KDM4B: variants seen among roughly 807,000 people sequenced by gnomAD.
KDM4B encodes the protein lysine demethylase 4B.
Under a neutral mutation model 125.2 loss-of-function variants are expected in KDM4B, and 32 were observed. The observed-to-expected ratio is 0.26, with a 90% CI of 0.19 to 0.34. KDM4B has a LOEUF of 0.34. Among genes scored for constraint, KDM4B ranks in the 10% least tolerant of loss-of-function variants. The pLI is 1.00. For synonymous variants in KDM4B, 721 were observed against 677.9 expected (o/e 1.06, Z -0.99); for missense variants, 1,190 against 1,577.7 (o/e 0.75, Z 4.16).
intron 1 of KDM4B, among the ~76,000 whole-genome samples, chr19:4,995,370 C>T (rs1425890510): frequency 6.6e-6 from 1 of 151,988 alleles, no homozygotes; most frequent in Non-Finnish European, 1.5e-5. Flanking sequence ...AGCAAGAATC[C>T]TGGGTTCAAG....
At chr19:5,150,184 G>A (rs969098602) in intron 21 of KDM4B, among the ~76,000 whole-genome samples, 174 bp from the exon 22 acceptor site, 1 of 152,226 alleles carries the variant, frequency 6.6e-6, no homozygotes, top group Non-Finnish European at 1.5e-5. Flanking sequence ...CCTGATCCTT[G>A]TTTGCTGCAG....
intron 9 of KDM4B, among the ~76,000 whole-genome samples, chr19:5,085,696 T>G (rs553924486): frequency 6.6e-6 from 1 of 152,176 alleles, no homozygotes; most frequent in Non-Finnish European, 1.5e-5. Context: ...CAGCCCCTGC[T>G]CAGGCACCCC....
chr19:4,974,777 C>G (rs2034387436), intron 1 of KDM4B, among the ~76,000 whole-genome samples: 1 of 151,752 alleles, frequency 6.6e-6, no homozygotes, highest in Admixed American at 6.6e-5. Context: ...GAGTAAAAAC[C>G]AAAACAAACA....
rs2036607274 is a variant in KDM4B, at chr19:5,035,887, G to GTA, written c.141+2856_141+2857insTA. On this transcript the variant is annotated intron_variant, in intron 3 of 22. Coordinates refer to ENST00000159111, the MANE Select transcript of KDM4B (RefSeq NM_015015.3). This position sits in a 1 kb window ranked among gnomAD's most constrained non-coding sequence, Gnocchi z 5.3. ...TCTGTGTGTGTGTGTGTGTGCGCGC[G>GTA]CGCGCGCGCCTGCGCGCACAGGAGA... is the stretch of plus-strand genomic sequence containing the variant. Among the ~76,000 whole-genome samples the GTA allele has an allele frequency of 7.0e-6, 1 of 143,516 alleles. No homozygotes were observed. The highest frequency in any genetic ancestry group is 1.5e-5 in the Non-Finnish European group (1 of 64,898). 94.2% of individuals were successfully genotyped at this position (143,516 alleles called of 152,430 possible). A position where few individuals can be genotyped will look rare whatever the true frequency, so the allele number is the denominator to read the frequency against.
rs916495797 is a variant in KDM4B at position 5,123,163 on chromosome 19, C to T, written c.1315+3311C>T. On this transcript the variant is annotated intron_variant, in intron 11 of 22. Coordinates refer to ENST00000159111, the MANE Select transcript of KDM4B (RefSeq NM_015015.3). ...GCATGAGCGCTGGAGGCCACTGCTC[C>T]ACGCCCTGTGGCTCTCGGACACGAC... Among the ~76,000 whole-genome samples, 24 of 152,386 alleles carry T rather than the reference C, an allele frequency of 1.6e-4. 1 individual carries two copies. Among genetic ancestry groups the T allele is most frequent in the Admixed American group, 1.4e-3 (21 of 15,310 alleles).
chr19:4,986,972 T>G (rs75813598), intron 1 of KDM4B, among the ~76,000 whole-genome samples: 1 of 151,924 alleles, frequency 6.6e-6, no homozygotes, highest in Non-Finnish European at 1.5e-5. Context: ...TTTTTTTTTT[T>G]GTGAGACGGA....
intron 4 of KDM4B, among the ~76,000 whole-genome samples, 158 bp from the exon 5 acceptor site, chr19:5,040,979 G>C (rs4807682): frequency 6.6e-6 from 1 of 152,112 alleles, no homozygotes; most frequent in East Asian, 1.9e-4. Context: ...TGTCCCACCC[G>C]GAAGCAGGTT....
intron 6 of KDM4B, among the ~76,000 whole-genome samples, chr19:5,050,853 T>C (rs2037198058): frequency 6.6e-6 from 1 of 151,974 alleles, no homozygotes; most frequent in African/African-American, 2.4e-5. Flanking sequence ...TGAGCGGAGA[T>C]CACACCCCTG....
rs139508576 is a variant in KDM4B at position 5,110,762 on chromosome 19, C to T, written c.1059C>T (p.Pro353=). The T allele has an allele frequency of 1.7e-4, 270 of 1,609,400 alleles. No individual in the cohort carries two copies. The highest frequency in any genetic ancestry group is 1.3e-3 in the East Asian group (56 of 44,718). The change falls in exon 10 of 23, where the codon CCC becomes CCT. Residue 353 remains proline (P), a synonymous_variant. Transcript: ENST00000159111. The part of the protein sequence containing the change: ...DHTRPTALTS[P]ELSSWSASRA... ...CGCGGCCCACGGCGCTCACCAGCCC[C>T]GAGCTGAGCTCCTGGAGTGCATCCC...
At chr19:5,007,441 A>G (rs2035595011) in intron 1 of KDM4B, among the ~76,000 whole-genome samples, 1 of 151,974 alleles carries the variant, frequency 6.6e-6, no homozygotes, top group Non-Finnish European at 1.5e-5. Flanking sequence ...GTTGAGTTGC[A>G]AGAGTTGTTG....
chr19:5,124,304 G>A (rs2039413181), intron 11 of KDM4B, among the ~76,000 whole-genome samples: 1 of 152,152 alleles, frequency 6.6e-6, no homozygotes, highest in Non-Finnish European at 1.5e-5. Flanking sequence ...GGCGCGGTGG[G>A]GGAAATCGGG....
At chr19:5,083,994 C>G (rs1009928849) in intron 9 of KDM4B, among the ~76,000 whole-genome samples, 4 of 152,088 alleles carry the variant, frequency 2.6e-5, no homozygotes, top group Non-Finnish European at 4.4e-5. Context: ...TGCCTGTAAT[C>G]CTAGCACTTT....
At chr19:5,067,958 T>A (rs2145808398) in intron 6 of KDM4B, among the ~76,000 whole-genome samples, 1 of 152,224 alleles carries the variant, frequency 6.6e-6, no homozygotes, top group South Asian at 2.1e-4. Context: ...ACAAACTGCC[T>A]CCCCGTGTCA....
chr19:5,014,753 C>T (rs1300638500), intron 1 of KDM4B, among the ~76,000 whole-genome samples: 1 of 151,848 alleles, frequency 6.6e-6, no homozygotes, highest in Non-Finnish European at 1.5e-5. Flanking sequence ...TGTACAACTT[C>T]GGGAGGCCGA....
In KDM4B at chr19:4,972,000, C is replaced by A. The variant is rs963418336; in HGVS notation, c.-109+2770C>A. Among the ~76,000 whole-genome samples the A allele has an allele frequency of 9.2e-5, 14 of 152,202 alleles. No individual in the cohort carries two copies. The highest frequency in any genetic ancestry group is 3.4e-4 in the African/African-American group (14 of 41,440). ...ACTGGTCACCGCCATGACAGATCGG[C>A]CGTCCTCATCCACAGCCTCACCCTA... On this transcript the variant is annotated intron_variant, in intron 1 of 22. Coordinates refer to ENST00000159111, the MANE Select transcript of KDM4B (RefSeq NM_015015.3). The surrounding 1 kb of genome is among the most constrained non-coding windows in gnomAD (Gnocchi z 4.1).
chr19:5,039,476 C>CA (rs2145656538), intron 3 of KDM4B, among the ~76,000 whole-genome samples: 1 of 152,210 alleles, frequency 6.6e-6, no homozygotes, highest in East Asian at 1.9e-4. Context: ...ACAAATGCCT[C>CA]AAAATACGAG....
intron 18 of KDM4B, chr19:5,140,685 A>C (rs1344137044): frequency 1.3e-5 from 2 of 152,032 alleles, no homozygotes; most frequent in Admixed American, 6.5e-5. Flanking sequence ...CAGTGAGCTG[A>C]GATTGCGCCA....
chr19:5,137,288 G>C lies in KDM4B; in HGVS notation c.2335G>C (p.Val779Leu). Residue 779 changes from valine (V) to leucine (L), a missense_variant, in exon 16 of 23, where the codon GTC becomes CTC. Val to Leu is a conservative substitution (Grantham distance 32). Transcript: ENST00000159111. The part of the protein sequence containing the change: ...ASCYGIRPEL[V>L]NEGWTCSRCA... ...TTGCTATGGCATCCGTCCCGAGCTG[G>C]TCAATGAAGGCTGGACGTGTTCCCG... 6.3e-7 allele frequency: 1 copy of C among 1,581,114 alleles called. No individual in the cohort carries two copies. Among genetic ancestry groups the C allele is most frequent in the Non-Finnish European group, 8.6e-7 (1 of 1,163,750 alleles).
At chr19:5,109,476 G>A (rs1389166249) in intron 9 of KDM4B, among the ~76,000 whole-genome samples, 1 of 152,176 alleles carries the variant, frequency 6.6e-6, no homozygotes, top group African/African-American at 2.4e-5. Flanking sequence ...ACCTGGGAAG[G>A]GCTGAGGGCG....
Sources: allele counts gnomAD v4.1 joint callset (sites outside exome capture counted in the v4.1 genomes callset), GRCh38; gene constraint gnomAD v4.1.1; non-coding constraint Gnocchi (gnomAD v3.1); transcripts MANE v1.5; gene names NCBI Gene and HGNC (gene_info 2026-07-23, HGNC 2026-07-21).